Variants in LMTK2 observed in about 807,000 individuals in gnomAD.
LMTK2 encodes the protein serine/threonine-protein kinase LMTK2.
LMTK2 carries 37 observed loss-of-function variants against 127.5 expected under a neutral mutation model. That is an observed-to-expected ratio of 0.29 (90% CI 0.22 to 0.38). The LOEUF (loss-of-function observed/expected upper bound fraction) is 0.38. Ranked by LOEUF, LMTK2 falls within the 10% of genes least tolerant of loss-of-function variation. The probability of loss-of-function intolerance (pLI) is 1.00; values close to 1 mark genes in which losing one functional copy is unlikely to be tolerated. For synonymous variants in LMTK2, 819 were observed against 810.1 expected, an observed-to-expected ratio of 1.01 and a Z score of -0.19; for missense variants, 1,694 against 1,920.3, an observed-to-expected ratio of 0.88 and a Z score of 2.20.
At chr7:98,111,553 A>G (rs572385280) in intron 1 of LMTK2, among the ~76,000 whole-genome samples, 20 of 152,346 alleles carry the variant, frequency 1.3e-4, no homozygotes, top group African/African-American at 3.8e-4. Context: ...ACCCTGGGTC[A>G]GTTACTCGAC....
chr7:98,135,840 C>T (rs1330545507), intron 1 of LMTK2, among the ~76,000 whole-genome samples: 3 of 151,584 alleles, frequency 2.0e-5, no homozygotes, highest in Non-Finnish European at 4.4e-5. Flanking sequence ...CATTGTGGCT[C>T]ACAGGCAGTA....
At chr7:98,114,692 T>C (rs1426746856) in intron 1 of LMTK2, among the ~76,000 whole-genome samples, 2 of 152,208 alleles carry the variant, frequency 1.3e-5, no homozygotes, top group African/African-American at 4.8e-5. Context: ...CATCTGTTGT[T>C]GTTCCTGCCT....
chr7:98,125,827 A>C (rs1168931800), intron 1 of LMTK2, among the ~76,000 whole-genome samples: 1 of 152,166 alleles, frequency 6.6e-6, no homozygotes, highest in East Asian at 1.9e-4. Flanking sequence ...TAAAAATCAA[A>C]ACTTCATTGT....
Position 98,194,205 on chromosome 7 carries a change from T to C in LMTK2, c.3740T>C (p.Leu1247Pro). Reference protein sequence around the residue: ...AYTNSALDKSLSSHSEGPKLK... With the variant: ...AYTNSALDKSPSSHSEGPKLK... The stretch of plus-strand genomic sequence containing the variant: ...ACCAATTCTGCGCTGGACAAGTCCC[T>C]GTCCAGCCACTCCGAGGGCCCGAAG... The change falls in exon 11 of 14, where the codon CTG becomes CCG. Residue 1247 changes from leucine to proline, a missense_variant. By Grantham distance (98) the Leu-to-Pro change is moderately conservative (BLOSUM62 -3). This residue lies in a region of LMTK2 where 554 missense variants were observed against 567.7 expected (regional missense o/e 0.98). Transcript: ENST00000297293. The surrounding 1 kb of genome is among the most constrained non-coding windows in gnomAD (Gnocchi z 5.4). 1 of 1,613,990 alleles carries C rather than the reference T, an allele frequency of 6.2e-7. No homozygotes were observed. The highest frequency in any genetic ancestry group is 8.5e-7 in the Non-Finnish European group (1 of 1,180,012).
intron 7 of LMTK2, among the ~76,000 whole-genome samples, chr7:98,176,003 A>G (rs1345375052): frequency 6.6e-6 from 1 of 152,252 alleles, no homozygotes. Flanking sequence ...ATAGCAAAAG[A>G]TGACATAAAG....
intron 11 of LMTK2, among the ~76,000 whole-genome samples, chr7:98,195,337 C>T (rs1215450776): frequency 2.0e-5 from 3 of 152,314 alleles, no homozygotes; most frequent in Admixed American, 1.3e-4. Flanking sequence ...ACAGCAGGAG[C>T]GTCTGTGGTC....
chr7:98,192,610 T>C lies in LMTK2; in HGVS notation c.2145T>C (p.Asn715=). 1 of 1,613,144 alleles carries C rather than the reference T, an allele frequency of 6.2e-7. No homozygotes were observed. Among genetic ancestry groups the C allele is most frequent in the Non-Finnish European group, 8.5e-7 (1 of 1,179,826 alleles). Residue 715 remains asparagine (N), a synonymous_variant, in exon 11 of 14, where the codon AAT becomes AAC. Coordinates refer to ENST00000297293, the MANE Select transcript of LMTK2 (RefSeq NM_014916.4). ...ACCAAGATAATTTTGATCCATTGAA[T>C]GTTCAAGAATTGTCAGAAAACTTTT... ...LMHQDNFDPL[N]VQELSENFLF... is the part of the protein sequence containing the mutation.
chr7:98,138,744 A>C (rs1296559938), intron 2 of LMTK2, among the ~76,000 whole-genome samples: 1 of 152,242 alleles, frequency 6.6e-6, no homozygotes, highest in Non-Finnish European at 1.5e-5. Context: ...ACTGAAATCC[A>C]GTCTCCATCT....
In LMTK2 at chr7:98,192,172, A is replaced by G. The variant is rs1254282842; in HGVS notation, c.1707A>G (p.Pro569=). The G allele has an allele frequency of 1.3e-6, 2 of 1,527,408 alleles. No individual in the cohort carries two copies. Among genetic ancestry groups the G allele is most frequent in the South Asian group, 2.6e-5 (2 of 75,480 alleles). 94.6% of individuals were successfully genotyped at this position (1,527,408 alleles called of 1,614,324 possible). Reference sequence around the variant, plus strand: ...GTAACTTGGAGCTTGATTACCCACCAGCGCTGCTCACAACCGACATGGATA... The same window carrying G: ...GTAACTTGGAGCTTGATTACCCACCGGCGCTGCTCACAACCGACATGGATA... ...SGSNLELDYP[P]ALLTTDMDNP... The change falls in exon 11 of 14, where the codon CCA becomes CCG. Residue 569 remains proline, a synonymous_variant. Transcript: ENST00000297293.
At chr7:98,126,394 A>G (rs1796444443) in intron 1 of LMTK2, among the ~76,000 whole-genome samples, 2 of 152,316 alleles carry the variant, frequency 1.3e-5, no homozygotes, top group African/African-American at 4.8e-5. Flanking sequence ...TCCTTCTGGG[A>G]CTAGATGCTT....
chr7:98,173,564 T>A (rs1381567553), intron 7 of LMTK2, among the ~76,000 whole-genome samples: 3 of 152,204 alleles, frequency 2.0e-5, no homozygotes, highest in Non-Finnish European at 2.9e-5. Flanking sequence ...AATATTGGAA[T>A]CAGCAATGTA....
chr7:98,138,532 T>C (rs934251894), intron 2 of LMTK2, among the ~76,000 whole-genome samples: 8 of 152,158 alleles, frequency 5.3e-5, no homozygotes, highest in African/African-American at 1.9e-4. Context: ...GCCCCAGACC[T>C]GTAGGGTTTT....
chr7:98,188,429 C>CT (rs368105406), intron 9 of LMTK2, among the ~76,000 whole-genome samples: 17 of 152,158 alleles, frequency 1.1e-4, no homozygotes, highest in African/African-American at 4.1e-4. Context: ...CTGGGAAAGA[C>CT]TTTATTTCTC....
At chr7:98,166,616 G>A (rs1048849906) in intron 6 of LMTK2, among the ~76,000 whole-genome samples, 1 of 152,194 alleles carries the variant, frequency 6.6e-6, no homozygotes, top group Non-Finnish European at 1.5e-5. Context: ...TGGTCTAAGG[G>A]TCTCTTGAGC....
chr7:98,174,891 G>C (rs1408277823), intron 7 of LMTK2, among the ~76,000 whole-genome samples: 2 of 152,212 alleles, frequency 1.3e-5, no homozygotes, highest in Non-Finnish European at 2.9e-5. Context: ...GTGCACACCT[G>C]TTGCTCACTA....
Position 98,194,054 on chromosome 7 carries a change from G to A in LMTK2, c.3589G>A (p.Glu1197Lys), listed in dbSNP as rs370349618. Residue 1197 changes from glutamate (E) to lysine (K), a missense_variant, in exon 11 of 14, where the codon GAG (glutamate) becomes AAG (lysine). Coordinates refer to ENST00000297293, the MANE Select transcript of LMTK2 (RefSeq NM_014916.4). The surrounding 1 kb of genome is among the most constrained non-coding windows in gnomAD (Gnocchi z 5.4). The stretch of plus-strand genomic sequence containing the variant: ...CCAGCAGGTGCATCCCACGGAAGAC[G>A]AGGCCAGCAGTCCCTGGAGTGTGCT... ...VPQQVHPTED[E>K]ASSPWSVLNA... 6.8e-6 allele frequency: 11 copies of A among 1,614,038 alleles called. No individual in the cohort carries two copies. Among genetic ancestry groups the A allele is most frequent in the African/African-American group, 2.7e-5 (2 of 74,950 alleles).
At chr7:98,128,211 G>A (rs1357461994) in intron 1 of LMTK2, among the ~76,000 whole-genome samples, 1 of 152,098 alleles carries the variant, frequency 6.6e-6, no homozygotes, top group Non-Finnish European at 1.5e-5. Context: ...ACAGTGCTAG[G>A]GGCTGAGTTT....
chr7:98,136,471 T>A (rs111468801), intron 1 of LMTK2, among the ~76,000 whole-genome samples: 2 of 152,156 alleles, frequency 1.3e-5, no homozygotes, highest in Non-Finnish European at 2.9e-5. Flanking sequence ...TCCCCTGATA[T>A]TACTAATTAC....
Position 98,194,694 on chromosome 7 carries a change from A to C in LMTK2, c.4107+122A>C. On this transcript the variant is annotated intron_variant, in intron 11 of 13. Transcript: ENST00000297293. The surrounding 1 kb of genome is among the most constrained non-coding windows in gnomAD (Gnocchi z 5.4). ...TTGAGGCAGCAGATTGTGATTACTC[A>C]CAAAAAGTAATTTGGGGTTGGTTAG... 1 of 871,122 alleles carries C rather than the reference A, an allele frequency of 1.1e-6. No homozygotes were observed. The highest frequency in any genetic ancestry group is 1.7e-6 in the Non-Finnish European group (1 of 583,502). The allele number at this position is 871,122 out of a possible 1,614,324, so 54.0% of individuals were successfully genotyped here. A position where few individuals can be genotyped will look rare whatever the true frequency, so the allele number is the denominator to read the frequency against.
Sources: allele counts gnomAD v4.1 joint callset (sites outside exome capture counted in the v4.1 genomes callset), GRCh38; gene constraint gnomAD v4.1.1; regional missense constraint gnomAD v4.1.1; non-coding constraint Gnocchi (gnomAD v3.1); transcripts MANE v1.5; gene names NCBI Gene and HGNC (gene_info 2026-07-23, HGNC 2026-07-21).